Variants in TBX21 observed in about 807,000 individuals in gnomAD.
The protein encoded by TBX21 is T-box transcription factor TBX21.
Under a neutral mutation model 52.2 loss-of-function variants are expected in TBX21, and 11 were observed. That is an observed-to-expected ratio of 0.21 (90% CI 0.13 to 0.35). TBX21 has a LOEUF of 0.35. Ranked by LOEUF, TBX21 falls within the 10% of genes least tolerant of loss-of-function variation. The probability of loss-of-function intolerance (pLI) is 1.00; values close to 1 mark genes in which losing one functional copy is unlikely to be tolerated. For missense variants in TBX21, 625 were observed against 755.1 expected, an observed-to-expected ratio of 0.83 and a Z score of 2.02; for synonymous variants, 300 against 316.1, an observed-to-expected ratio of 0.95 and a Z score of 0.54.
rs1301731556 is a variant in TBX21 at position 47,744,908 on chromosome 17, G to T, written c.1150G>T (p.Ala384Ser). Residue 384 changes from alanine to serine, a missense_variant, in exon 6 of 6, where the codon GCT (alanine) becomes TCT (serine). By Grantham distance (99) the Ala-to-Ser change is moderately conservative (BLOSUM62 1). Around this residue, in one of 4 missense-constraint regions of TBX21, gnomAD observed 261 missense variants for 275.1 expected, o/e 0.95. Coordinates refer to ENST00000177694, the MANE Select transcript of TBX21 (RefSeq NM_013351.2). Reference sequence around the variant, plus strand: ...CCAGGCGAAGGATGTGGTTCCCCAGGCTTACTGGCTGGGGGCCCCCCGGGA... The same window carrying T: ...CCAGGCGAAGGATGTGGTTCCCCAGTCTTACTGGCTGGGGGCCCCCCGGGA... The part of the protein sequence containing the change: ...PGQAKDVVPQ[A>S]YWLGAPRDHS... 6.2e-7 allele frequency: 1 copy of T among 1,614,154 alleles called. No individual in the cohort carries two copies. Among genetic ancestry groups the T allele is most frequent in the Non-Finnish European group, 8.5e-7 (1 of 1,180,032 alleles).
In TBX21 at chr17:47,733,390, GC is replaced by G; in HGVS notation, c.-64del. The G allele has an allele frequency of 7.1e-7, 1 of 1,409,124 alleles. No individual in the cohort carries two copies. The highest frequency in any genetic ancestry group is 9.2e-7 in the Non-Finnish European group (1 of 1,087,464). The allele number at this position is 1,409,124 out of a possible 1,614,324, so 87.3% of individuals were successfully genotyped here. On this transcript the variant is annotated 5_prime_UTR_variant, in exon 1 of 6. Transcript: ENST00000177694. The surrounding 1 kb of genome is among the most constrained non-coding windows in gnomAD (Gnocchi z 6.6). ...CTGCTCCCTGCCCATCCCAGCCCAC[GC>G]GACCCTCTCGCGCGCGGAGGGGCGG... is the stretch of plus-strand genomic sequence containing the variant.
rs568569146 is a variant in TBX21 at position 47,742,969 on chromosome 17, C to T, written c.647-102C>T. On this transcript the variant is annotated intron_variant, in intron 2 of 5. Transcript: ENST00000177694. This position sits in a 1 kb window ranked among gnomAD's most constrained non-coding sequence, Gnocchi z 4.4. ...CCTCTGCCCTTCCCTGCCTGGTCCT[C>T]CCCCTGTGTCCTTCCTTACGTCCCT... 10 of 1,549,280 alleles carry T rather than the reference C, an allele frequency of 6.5e-6. No homozygotes were observed. Among genetic ancestry groups the T allele is most frequent in the Non-Finnish European group, 8.7e-6 (10 of 1,150,608 alleles).
Position 47,733,553 on chromosome 17 carries a change from C to G in TBX21, c.99C>G (p.His33Gln), listed in dbSNP as rs2240017. ...GGGCGCCTGGCGCCGACCCGCAGCACCGCTACTTCTACCCGGAGCCGGGCG... is the reference window on the plus strand; with the variant it reads ...GGGCGCCTGGCGCCGACCCGCAGCAGCGCTACTTCTACCCGGAGCCGGGCG... The part of the protein sequence containing the change: ...EGRAPGADPQ[H>Q]RYFYPEPGAQ... The change falls in exon 1 of 6, where the codon CAC (histidine) becomes CAG (glutamine). Residue 33 changes from histidine to glutamine, a missense_variant. His to Gln is a conservative substitution (Grantham distance 24). Coordinates refer to ENST00000177694, the MANE Select transcript of TBX21 (RefSeq NM_013351.2). The surrounding 1 kb of genome is among the most constrained non-coding windows in gnomAD (Gnocchi z 6.6). 45,870 of 1,487,136 alleles carry G rather than the reference C, an allele frequency of 0.031. 1,068 individuals are homozygous for G. The highest frequency in any genetic ancestry group is 0.11 in the East Asian group (3,687 of 33,948). 92.1% of individuals were successfully genotyped at this position (1,487,136 alleles called of 1,614,324 possible).
Position 47,733,601 on chromosome 17 carries a change from C to A in TBX21, c.147C>A (p.Arg49=). Residue 49 remains arginine (R), a synonymous_variant, in exon 1 of 6, where the codon CGC becomes CGA. Transcript: ENST00000177694. The surrounding 1 kb of genome is among the most constrained non-coding windows in gnomAD (Gnocchi z 6.6). ...EPGAQDADER[R]GGGSLGSPYP... is the part of the protein sequence containing the mutation. ...GCGCGCAGGACGCGGACGAGCGTCG[C>A]GGGGGCGGCAGCCTGGGGTCTCCCT... 1 of 1,451,092 alleles carries A rather than the reference C, an allele frequency of 6.9e-7. No individual in the cohort carries two copies. Among genetic ancestry groups the A allele is most frequent in the South Asian group, 1.4e-5 (1 of 73,060 alleles). 89.9% of individuals were successfully genotyped at this position (1,451,092 alleles called of 1,614,324 possible).
chr17:47,735,043 C>T (rs1002588744), intron 1 of TBX21, among the ~76,000 whole-genome samples: 3 of 152,026 alleles, frequency 2.0e-5, no homozygotes, highest in East Asian at 3.9e-4. Flanking sequence ...CAGTGCGGCC[C>T]ATGTGAGCAG....
intron 1 of TBX21, among the ~76,000 whole-genome samples, chr17:47,734,579 G>A (rs892724720): frequency 6.0e-5 from 8 of 132,684 alleles, no homozygotes; most frequent in African/African-American, 1.7e-4. Flanking sequence ...GTGTGTGTGT[G>A]TGTGTGTGTG....
intron 1 of TBX21, among the ~76,000 whole-genome samples, chr17:47,739,749 G>A (rs1056581734): frequency 2.7e-5 from 4 of 147,198 alleles, no homozygotes; most frequent in African/African-American, 5.1e-5. Flanking sequence ...GCAACAGAGC[G>A]AGACTCCGTC....
intron 1 of TBX21, among the ~76,000 whole-genome samples, chr17:47,740,984 C>T (rs2032262035): frequency 6.6e-6 from 1 of 152,160 alleles, no homozygotes; most frequent in Non-Finnish European, 1.5e-5. Flanking sequence ...TTTCCTCATC[C>T]TTCAGGGCTT....
chr17:47,744,987 C>T lies in TBX21; in HGVS notation c.1229C>T (p.Pro410Leu). ...RAVSMKPAFL[P>L]SAPGPTMSYY... is the part of the protein sequence containing the mutation. The stretch of plus-strand genomic sequence containing the variant: ...GTCAGCATGAAGCCTGCATTCTTGC[C>T]CTCTGCCCCTGGGCCCACCATGTCC... The change falls in exon 6 of 6, where the codon CCC becomes CTC. Residue 410 changes from proline to leucine, a missense_variant. Around this residue, in one of 4 missense-constraint regions of TBX21, gnomAD observed 261 missense variants for 275.1 expected, o/e 0.95. Transcript: ENST00000177694. The T allele has an allele frequency of 6.2e-7, 1 of 1,613,374 alleles. No homozygotes were observed. The highest frequency in any genetic ancestry group is 1.1e-5 in the South Asian group (1 of 91,088).
At chr17:47,735,394 C>A (rs894769383) in intron 1 of TBX21, among the ~76,000 whole-genome samples, 5 of 152,136 alleles carry the variant, frequency 3.3e-5, no homozygotes, top group African/African-American at 1.2e-4. Flanking sequence ...CTGATAATTT[C>A]TCTCTGCTCC....
chr17:47,739,013 G>A (rs1239055911), intron 1 of TBX21, among the ~76,000 whole-genome samples: 4 of 151,308 alleles, frequency 2.6e-5, no homozygotes, highest in Non-Finnish European at 5.9e-5. Context: ...CAGGAGCTCC[G>A]AATCTGGGAG....
intron 1 of TBX21, among the ~76,000 whole-genome samples, chr17:47,736,188 T>C (rs1015139034): frequency 6.6e-6 from 1 of 152,188 alleles, no homozygotes; most frequent in Non-Finnish European, 1.5e-5. Flanking sequence ...ATTTTTTTAT[T>C]ATGAAAAATT....
In TBX21 at chr17:47,742,546, G is replaced by T; in HGVS notation, c.492-64G>T. 1.3e-6 allele frequency: 2 copies of T among 1,511,388 alleles called. No homozygotes were observed. Among genetic ancestry groups the T allele is most frequent in the Admixed American group, 2.2e-5 (1 of 46,142 alleles). 93.6% of individuals were successfully genotyped at this position (1,511,388 alleles called of 1,614,324 possible). On this transcript the variant is annotated intron_variant, in intron 1 of 5. Coordinates refer to ENST00000177694, the MANE Select transcript of TBX21 (RefSeq NM_013351.2). The surrounding 1 kb of genome is among the most constrained non-coding windows in gnomAD (Gnocchi z 4.4). ...ACACCACTGATGCCTGGGCACTGTTGCAGGGGGGACTGGCTGTCAAGCTGG... is the reference window on the plus strand; with the variant it reads ...ACACCACTGATGCCTGGGCACTGTTTCAGGGGGGACTGGCTGTCAAGCTGG...
rs1339816962 is a variant in TBX21 at position 47,744,187 on chromosome 17, G to A, written c.769-8G>A. ...CCCACCCCTACAACCGTCTTGCTCT[G>A]TCTACAGATGATTGTGCTCCAGTCC... On this transcript the variant is annotated splice_polypyrimidine_tract_variant and splice_region_variant and intron_variant, in intron 3 of 5. Coordinates refer to ENST00000177694, the MANE Select transcript of TBX21 (RefSeq NM_013351.2). 4 of 1,614,082 alleles carry A rather than the reference G, an allele frequency of 2.5e-6. No individual in the cohort carries two copies. Among genetic ancestry groups the A allele is most frequent in the Middle Eastern group, 1.7e-4 (1 of 6,046 alleles).
Position 47,733,704 on chromosome 17 carries a change from G to A in TBX21, c.250G>A (p.Ala84Thr). The A allele has an allele frequency of 7.0e-7, 1 of 1,418,882 alleles. No homozygotes were observed. Among genetic ancestry groups the A allele is most frequent in the Non-Finnish European group, 9.2e-7 (1 of 1,087,200 alleles). 87.9% of individuals were successfully genotyped at this position (1,418,882 alleles called of 1,614,324 possible). ...AYAYPPRPQA[A>T]GFPGAGESFP... ...CGCCTACCCGCCGCGACCCCAGGCG[G>A]CCGGCTTCCCCGGCGCGGGCGAGTC... The change falls in exon 1 of 6, where the codon GCC becomes ACC. Residue 84 changes from alanine (A) to threonine (T), a missense_variant. By Grantham distance (58) the Ala-to-Thr change is moderately conservative. Transcript: ENST00000177694. The surrounding 1 kb of genome is among the most constrained non-coding windows in gnomAD (Gnocchi z 6.6).
chr17:47,743,290 T>C (rs954249740), intron 3 of TBX21, 98 bp downstream of exon 3: 51 of 1,491,788 alleles, frequency 3.4e-5, no homozygotes, highest in Non-Finnish European at 4.3e-5. Context: ...GTTTGGTTCA[T>C]TTTTTCTTCC....
At position 47,738,604 on chromosome 17, in the gene TBX21, A is replaced by AT. The variant is rs201288149; in HGVS notation, c.492-3992dup. Among the ~76,000 whole-genome samples the AT allele has an allele frequency of 9.0e-3, 1,270 of 141,558 alleles. 5 individuals carry two copies. The highest frequency in any genetic ancestry group is 0.022 in the African/African-American group (867 of 38,812). The allele number at this position is 141,558 out of a possible 152,430, so 92.9% of individuals were successfully genotyped here. On this transcript the variant is annotated intron_variant, in intron 1 of 5. Transcript: ENST00000177694. Reference sequence around the variant, plus strand: ...CCTCATCAGCAGTAGATATTATCACATTTTTTTTTTTTTTGAGACAAAGTC... The same window carrying AT: ...CCTCATCAGCAGTAGATATTATCACATTTTTTTTTTTTTTTGAGACAAAGTC...
At chr17:47,744,089 C>T (rs1249538295) in intron 3 of TBX21, 106 bp from the exon 4 acceptor site, 4 of 1,430,450 alleles carry the variant, frequency 2.8e-6, no homozygotes, top group Middle Eastern at 2.6e-4. Context: ...GACAGGATGA[C>T]CTCAAGGTGC....
intron 1 of TBX21, among the ~76,000 whole-genome samples, chr17:47,734,552 C>CG (rs2032180922): frequency 1.7e-5 from 2 of 114,288 alleles, no homozygotes; most frequent in Non-Finnish European, 3.6e-5. Flanking sequence ...GATCATATGT[C>CG]TGGTGTGTGT....
Sources: gnomAD v4.1 joint callset for allele counts (sites outside exome capture counted in the v4.1 genomes callset) on GRCh38, gnomAD v4.1.1 for gene constraint, gnomAD v4.1.1 regional missense constraint, Gnocchi (gnomAD v3.1) non-coding constraint, MANE v1.5 for transcripts, NCBI Gene and HGNC (gene_info 2026-07-23, HGNC 2026-07-21) for gene names.